Variants in RGS6 observed in about 807,000 individuals in gnomAD.
RGS6 encodes regulator of G-protein signaling 6.
Under a neutral mutation model 78.5 loss-of-function variants are expected in RGS6, and 30 were observed. That is an observed-to-expected ratio of 0.38 (90% CI 0.29 to 0.52). The LOEUF (loss-of-function observed/expected upper bound fraction) is 0.52. RGS6 is among the 20% of genes least tolerant of loss of function. The pLI is 0.85. For synonymous variants in RGS6, 206 were observed against 206.0 expected, an observed-to-expected ratio of 1.00 and a Z score of 0.00; for missense variants, 495 against 609.7, an observed-to-expected ratio of 0.81 and a Z score of 1.98.
intron 2 of RGS6, among the ~76,000 whole-genome samples, chr14:72,181,676 G>A (rs1055248117): frequency 2.0e-5 from 3 of 152,178 alleles, no homozygotes; most frequent in African/African-American, 7.2e-5. Flanking sequence ...ACTCTAAAAA[G>A]CCTATACCTT....
At chr14:72,156,362 C>CA (rs1333322217) in intron 2 of RGS6, among the ~76,000 whole-genome samples, 1 of 149,808 alleles carries the variant, frequency 6.7e-6, no homozygotes, top group Non-Finnish European at 1.5e-5. Flanking sequence ...AGGAGAATCA[C>CA]TTGAACCCAG....
the RGS6 span, among the ~76,000 whole-genome samples, chr14:72,617,285 C>CT: frequency 6.6e-6 from 1 of 152,084 alleles, no homozygotes; most frequent in Non-Finnish European, 1.5e-5. Flanking sequence ...ATTTGGGGAA[C>CT]TTTTTTTTCT....
chr14:71,900,913 C>T, the RGS6 span, among the ~76,000 whole-genome samples: 1 of 152,056 alleles, frequency 6.6e-6, no homozygotes, highest in African/African-American at 2.4e-5. Context: ...TGAGCAGGAG[C>T]AAGCAAGAGA....
intron 2 of RGS6, among the ~76,000 whole-genome samples, chr14:72,126,508 T>C (rs1365968438): frequency 6.6e-6 from 1 of 152,224 alleles, no homozygotes; most frequent in African/African-American, 2.4e-5. Flanking sequence ...CATAGAGCCG[T>C]TGGTTAAGTG....
intron 2 of RGS6, among the ~76,000 whole-genome samples, chr14:72,347,700 G>T (rs988022024): frequency 3.9e-5 from 6 of 152,166 alleles, no homozygotes; most frequent in Admixed American, 2.0e-4. Context: ...TGAAAATCCA[G>T]GAATAGTCTC....
intron 3 of RGS6, among the ~76,000 whole-genome samples, chr14:72,436,812 C>A (rs2094934656): frequency 6.6e-6 from 1 of 152,122 alleles, no homozygotes; most frequent in Non-Finnish European, 1.5e-5. Context: ...TTAGTGACAC[C>A]AAGATTCAAA....
intron 12 of RGS6, among the ~76,000 whole-genome samples, chr14:72,485,130 T>C (rs547678455): frequency 6.6e-6 from 1 of 152,242 alleles, no homozygotes; most frequent in Non-Finnish European, 1.5e-5. Context: ...CAAAAGCATA[T>C]ACCAATCAGG....
At chr14:72,572,937 G>A in the RGS6 span, among the ~76,000 whole-genome samples, 1 of 151,634 alleles carries the variant, frequency 6.6e-6, no homozygotes, top group Non-Finnish European at 1.5e-5. Context: ...AGAGAGGGAG[G>A]GAAGGAGAGA....
intron 2 of RGS6, among the ~76,000 whole-genome samples, chr14:72,220,527 G>A (rs1464910300): frequency 2.0e-5 from 3 of 152,172 alleles, no homozygotes; most frequent in South Asian, 2.1e-4. Flanking sequence ...AAACATTTCC[G>A]TAAATATTGG....
chr14:71,973,564 A>G (rs1333543193), intron 2 of RGS6, among the ~76,000 whole-genome samples: 2 of 152,162 alleles, frequency 1.3e-5, no homozygotes, highest in Non-Finnish European at 2.9e-5. Flanking sequence ...ACACGCCTGT[A>G]ATCCCAGCTA....
At chr14:72,546,312 T>C (rs1188442577) in intron 17 of RGS6, among the ~76,000 whole-genome samples, 3 of 152,224 alleles carry the variant, frequency 2.0e-5, no homozygotes, top group African/African-American at 7.2e-5. Flanking sequence ...AATATAAAAG[T>C]CTATTTTTTA....
At position 71,953,488 on chromosome 14, in the gene RGS6, T is replaced by C. The variant is rs1366121105; in HGVS notation, c.-20-11284T>C. ...ATAAAATACTGTTCTTTCAACTTTT[T>C]TTTCAAGCATCTAAAAATGTAAAAA... On this transcript the variant is annotated intron_variant, in intron 1 of 17. Transcript: ENST00000553525. Among the ~76,000 whole-genome samples, 4 of 152,120 alleles carry C rather than the reference T, an allele frequency of 2.6e-5. No homozygotes were observed. In the East Asian group the frequency reaches 7.7e-4, roughly 29 times the overall value.
intron 13 of RGS6, among the ~76,000 whole-genome samples, chr14:72,503,601 A>C (rs566236918): frequency 2.6e-5 from 4 of 152,310 alleles, no homozygotes; most frequent in Admixed American, 2.6e-4. Context: ...AGAAATAGGA[A>C]AGAAGAAATG....
chr14:72,339,664 A>G (rs2076633350), intron 2 of RGS6, among the ~76,000 whole-genome samples: 1 of 152,118 alleles, frequency 6.6e-6, no homozygotes, highest in African/African-American at 2.4e-5. Context: ...TTCAGATGAG[A>G]TGATGGTCTC....
At chr14:72,366,991 G>A (rs1378026956) in intron 3 of RGS6, among the ~76,000 whole-genome samples, 2 of 152,160 alleles carry the variant, frequency 1.3e-5, no homozygotes, top group Non-Finnish European at 2.9e-5. Flanking sequence ...TTCCTAGCAT[G>A]TAAGAGCCAT....
intron 12 of RGS6, among the ~76,000 whole-genome samples, chr14:72,493,970 G>A (rs953476216): frequency 1.3e-5 from 2 of 152,148 alleles, no homozygotes; most frequent in African/African-American, 2.4e-5. Flanking sequence ...AGATAGACAT[G>A]GAATCCAGGA....
intron 17 of RGS6, among the ~76,000 whole-genome samples, chr14:72,542,698 C>G (rs148402005): frequency 6.6e-6 from 1 of 152,316 alleles, no homozygotes; most frequent in African/African-American, 2.4e-5. Flanking sequence ...TTGGATAACT[C>G]ATTCAGCTGG....
chr14:72,289,062 A>C (rs2063110055), intron 2 of RGS6, among the ~76,000 whole-genome samples: 1 of 152,176 alleles, frequency 6.6e-6, no homozygotes, highest in Admixed American at 6.5e-5. Context: ...ACATGTCTAC[A>C]ATAAACTAGA....
At chr14:72,298,331 TATA>T (rs1178974230) in intron 2 of RGS6, among the ~76,000 whole-genome samples, 1 of 151,954 alleles carries the variant, frequency 6.6e-6, no homozygotes, top group Non-Finnish European at 1.5e-5. Flanking sequence ...TTGGCCGTGA[TATA>T]TTATTATTAT....
Sources: gnomAD v4.1 joint callset for allele counts (sites outside exome capture counted in the v4.1 genomes callset) on GRCh38, gnomAD v4.1.1 for gene constraint, MANE v1.5 for transcripts, NCBI Gene and HGNC (gene_info 2026-07-23, HGNC 2026-07-21) for gene names.